RNF38: variants seen among roughly 807,000 people sequenced by gnomAD.
RNF38 encodes E3 ubiquitin-protein ligase RNF38.
A neutral mutation model predicts 67.2 loss-of-function variants in RNF38; 15 were observed. The ratio of observed to expected loss-of-function variants is 0.22; its 90% confidence interval spans 0.15 to 0.34. RNF38 has a LOEUF of 0.34. RNF38 is among the 10% of genes least tolerant of loss of function. RNF38 has a pLI of 1.00. For missense variants in RNF38, 524 were observed against 639.9 expected (o/e 0.82, Z 1.95); for synonymous variants, 220 against 218.8 (o/e 1.01, Z -0.05).
upstream of RNF38, chr9:36,400,666 C>T (rs1587619172): frequency 1.0e-6 from 1 of 985,812 alleles, no homozygotes; most frequent in Non-Finnish European, 1.2e-6. Flanking sequence ...ATCCGCCGTC[C>T]GCGGGCCTCC....
chr9:36,435,698 C>T (rs887154295), intron 1 of RNF38, among the ~76,000 whole-genome samples: 7 of 150,556 alleles, frequency 4.6e-5, no homozygotes, highest in African/African-American at 1.5e-4. Flanking sequence ...GGCGCGATCT[C>T]GGCTCCCTGC....
chr9:36,400,021 C>A (rs1837881328), intron 1 of RNF38, 76 bp downstream of exon 1: 2 of 1,291,054 alleles, frequency 1.5e-6, no homozygotes, highest in Admixed American at 1.9e-5. Context: ...TTTCTACTTA[C>A]GGTAGAATTA....
chr9:36,341,587 TA>T (rs996215533), intron 11 of RNF38, among the ~76,000 whole-genome samples: 1 of 151,918 alleles, frequency 6.6e-6, no homozygotes, highest in Non-Finnish European at 1.5e-5. Context: ...CTTTTTTTTT[TA>T]AACATTAAAT....
At chr9:36,479,332 G>C (rs1449380718) in intron 1 of RNF38, among the ~76,000 whole-genome samples, 4 of 152,190 alleles carry the variant, frequency 2.6e-5, no homozygotes, top group African/African-American at 7.2e-5. Context: ...GAAAAGAGTG[G>C]GTGGTAGCAA....
At chr9:36,358,175 T>C (rs148173198) in intron 4 of RNF38, among the ~76,000 whole-genome samples, 140 of 152,290 alleles carry the variant, frequency 9.2e-4, no homozygotes, top group African/African-American at 3.3e-3. Flanking sequence ...TCAAATGACT[T>C]GAAAAGCCCA....
At chr9:36,356,739 G>T (rs1458179508) in intron 5 of RNF38, among the ~76,000 whole-genome samples, 1 of 151,170 alleles carries the variant, frequency 6.6e-6, no homozygotes, top group Non-Finnish European at 1.5e-5. Flanking sequence ...AAAGGGTTGG[G>T]GCGGGTGTGG....
At chr9:36,343,113 T>TA (rs1832967163) in intron 10 of RNF38, among the ~76,000 whole-genome samples, 1 of 152,224 alleles carries the variant, frequency 6.6e-6, no homozygotes, top group African/African-American at 2.4e-5. Context: ...TTATTTGTAC[T>TA]ATGTATTGCT....
At chr9:36,376,583 C>T (rs1835800469) in intron 2 of RNF38, among the ~76,000 whole-genome samples, 1 of 151,998 alleles carries the variant, frequency 6.6e-6, no homozygotes, top group African/African-American at 2.4e-5. Flanking sequence ...AATCACACTC[C>T]TCTCCCTCCT....
In RNF38 at chr9:36,412,689, C is replaced by T. The variant is rs567302841; in HGVS notation, n.312+11924G>A. Among the ~76,000 whole-genome samples the T allele has an allele frequency of 2.0e-5, 3 of 152,332 alleles. No homozygotes were observed. In the East Asian group the frequency reaches 5.8e-4, roughly 29 times the overall value. ...GTGCAGTGGCTCACGCCTGTAATCCCAGCACTTTGGGATGCCGAGGTGGAT... is the reference window on the plus strand; with the variant it reads ...GTGCAGTGGCTCACGCCTGTAATCCTAGCACTTTGGGATGCCGAGGTGGAT... On this transcript the variant is annotated intron_variant and non_coding_transcript_variant, in intron 2 of 3. Coordinates refer to the RNF38 transcript ENST00000488058.
At chr9:36,478,895 A>G (rs915430752) in intron 1 of RNF38, among the ~76,000 whole-genome samples, 4 of 151,956 alleles carry the variant, frequency 2.6e-5, no homozygotes, top group Admixed American at 2.6e-4. Context: ...TTTTGTGGGC[A>G]ATCAATCATT....
At chr9:36,412,576 G>A (rs897408680) in intron 2 of RNF38, among the ~76,000 whole-genome samples, 13 of 152,194 alleles carry the variant, frequency 8.5e-5, no homozygotes, top group African/African-American at 2.9e-4. Flanking sequence ...ATGGCTTAGC[G>A]CCATCCACTT....
rs145586540 is a variant in RNF38, at chr9:36,466,432, T to C, written n.241+20876A>G. Reference sequence around the variant, plus strand: ...TATATTTCGATAAAGCTGTTAAGAATGAGGTAGCAGGCACAATGGGAGGCT... The same window carrying C: ...TATATTTCGATAAAGCTGTTAAGAACGAGGTAGCAGGCACAATGGGAGGCT... On this transcript the variant is annotated intron_variant and non_coding_transcript_variant, in intron 1 of 3. Coordinates refer to the RNF38 transcript ENST00000488058. 4.6e-3 allele frequency among the ~76,000 whole-genome samples: 697 copies of C among 152,330 alleles called. 3 individuals carry two copies. The highest frequency in any genetic ancestry group is 0.018 in the South Asian group (87 of 4,826).
In RNF38 at chr9:36,376,211, C is replaced by A. The variant is rs538010942; in HGVS notation, c.163-84G>T. 13 of 1,017,790 alleles carry A rather than the reference C, an allele frequency of 1.3e-5. No homozygotes were observed. In the African/African-American group the frequency reaches 1.8e-4, roughly 14 times the overall value. The allele number at this position is 1,017,790 out of a possible 1,614,324, so 63.0% of individuals were successfully genotyped here. Reference sequence around the variant, plus strand: ...GCATATGCACAGGTGTTAGGATGTACTTAACCTAAAATCTAAAAATGTAAA... The same window carrying A: ...GCATATGCACAGGTGTTAGGATGTAATTAACCTAAAATCTAAAAATGTAAA... On this transcript the variant is annotated intron_variant, in intron 2 of 11. Coordinates refer to ENST00000259605, the MANE Select transcript of RNF38 (RefSeq NM_022781.5).
At chr9:36,400,862 G>GC, upstream of RNF38, 1 of 948,612 alleles carries the variant, frequency 1.1e-6, no homozygotes. Flanking sequence ...GCCCCGTCCC[G>GC]CAACACCGCA....
chr9:36,452,314 A>G (rs1839470839), intron 1 of RNF38, among the ~76,000 whole-genome samples: 1 of 152,104 alleles, frequency 6.6e-6, no homozygotes, highest in South Asian at 2.1e-4. Flanking sequence ...CATTTTCATC[A>G]TCCCAAAAAG....
At chr9:36,416,060 A>T (rs1838458833) in intron 2 of RNF38, among the ~76,000 whole-genome samples, 1 of 151,758 alleles carries the variant, frequency 6.6e-6, no homozygotes. Flanking sequence ...GGGTGGCACC[A>T]TAGAGCTCTC....
chr9:36,339,717 G>A lies in RNF38; in HGVS notation c.*35C>T. 1.9e-6 allele frequency: 3 copies of A among 1,558,716 alleles called. No homozygotes were observed. Among genetic ancestry groups the A allele is most frequent in the Non-Finnish European group, 2.6e-6 (3 of 1,132,896 alleles). ...ATAGTCCGTATATACATGTGATGAGGAACACCCAAACTAAATTTGTGCTTC... is the reference window on the plus strand; with the variant it reads ...ATAGTCCGTATATACATGTGATGAGAAACACCCAAACTAAATTTGTGCTTC... On this transcript the variant is annotated 3_prime_UTR_variant, in exon 12 of 12. Coordinates refer to ENST00000259605, the MANE Select transcript of RNF38 (RefSeq NM_022781.5).
Position 36,411,814 on chromosome 9 carries a change from C to A in RNF38, n.312+12799G>T, listed in dbSNP as rs75282266. 3.7e-3 allele frequency among the ~76,000 whole-genome samples: 568 copies of A among 152,182 alleles called. 3 individuals carry two copies. The highest frequency in any genetic ancestry group is 0.013 in the African/African-American group (544 of 41,504). The stretch of plus-strand genomic sequence containing the variant: ...CAAACTCCTGACTTCAAGTGAACCA[C>A]CACCTCAGCCCTCCAAGGTGCTGGG... On this transcript the variant is annotated intron_variant and non_coding_transcript_variant, in intron 2 of 3. Coordinates refer to the RNF38 transcript ENST00000488058.
intron 1 of RNF38, among the ~76,000 whole-genome samples, chr9:36,479,161 C>T (rs1840190607): frequency 6.6e-6 from 1 of 152,302 alleles, no homozygotes. Flanking sequence ...CCTGACTTCT[C>T]CCTACCAACA....
Sources: gnomAD v4.1 joint callset for allele counts (sites outside exome capture counted in the v4.1 genomes callset) on GRCh38, gnomAD v4.1.1 for gene constraint, MANE v1.5 for transcripts, NCBI Gene and HGNC (gene_info 2026-07-23, HGNC 2026-07-21) for gene names.